The following CRPPA variants were observed in gnomAD, a reference collection of about 807,000 sequenced individuals.
The protein encoded by CRPPA is D-ribitol-5-phosphate cytidylyltransferase.
A neutral mutation model predicts 52.0 loss-of-function variants in CRPPA; 43 were observed. The observed-to-expected ratio is 0.83, with a 90% confidence interval of 0.65 to 1.07. The LOEUF is 1.07. Ranked by LOEUF, CRPPA falls within the 50% of genes least tolerant of loss-of-function variation. The probability of loss-of-function intolerance (pLI) is 0.00; values close to 1 mark genes in which losing one functional copy is unlikely to be tolerated. For missense variants in CRPPA, 629 were observed against 551.7 expected (o/e 1.14, Z -1.40); for synonymous variants, 250 against 203.5 (o/e 1.23, Z -1.94).
At chr7:16,346,695 T>G (rs181353373) in intron 3 of CRPPA, among the ~76,000 whole-genome samples, 14 of 152,278 alleles carry the variant, frequency 9.2e-5, no homozygotes, top group Admixed American at 4.6e-4. Flanking sequence ...CTTACTGTAC[T>G]AATGTTTGGC....
At chr7:16,401,859 C>T (rs1218482480) in intron 2 of CRPPA, among the ~76,000 whole-genome samples, 1 of 150,108 alleles carries the variant, frequency 6.7e-6, no homozygotes, top group East Asian at 1.9e-4. Flanking sequence ...ACACCTCTTT[C>T]ATTAAAAAAA....
intron 9 of CRPPA, among the ~76,000 whole-genome samples, chr7:16,164,557 GGAA>G (rs1781005847): frequency 6.6e-6 from 1 of 152,140 alleles, no homozygotes; most frequent in Non-Finnish European, 1.5e-5. Flanking sequence ...TTGCTGGCGA[GGAA>G]TTGTGATCCT....
intron 3 of CRPPA, among the ~76,000 whole-genome samples, chr7:16,351,286 G>C (rs1270293645): frequency 6.6e-6 from 1 of 151,870 alleles, no homozygotes; most frequent in African/African-American, 2.4e-5. Flanking sequence ...TTTAAACCTA[G>C]GTCCTCAAAC....
intron 1 of CRPPA, among the ~76,000 whole-genome samples, chr7:16,407,858 G>A (rs1273809443): frequency 1.3e-5 from 2 of 152,146 alleles, no homozygotes; most frequent in African/African-American, 4.8e-5. Flanking sequence ...TGTAATCCCA[G>A]CACTTTGGGA....
chr7:16,286,097 A>AAAAAAAATATATATATATAT, intron 5 of CRPPA, among the ~76,000 whole-genome samples: 3 of 39,116 alleles, frequency 7.7e-5, no homozygotes, highest in South Asian at 6.5e-4. Context: ...TAAAAAAAAA[A>AAAAAAAATATATATATATAT]ATATATATAT....
At chr7:16,418,962 C>T (rs551950416) in intron 1 of CRPPA, among the ~76,000 whole-genome samples, 1 of 152,176 alleles carries the variant, frequency 6.6e-6, no homozygotes, top group African/African-American at 2.4e-5. Context: ...CTAATTACCA[C>T]GCAGATAAAG....
intron 9 of CRPPA, among the ~76,000 whole-genome samples, chr7:16,167,622 T>C (rs1363809901): frequency 6.6e-6 from 1 of 152,200 alleles, no homozygotes; most frequent in African/African-American, 2.4e-5. Flanking sequence ...TTTCTGCTTA[T>C]CAGCTGTCTT....
intron 6 of CRPPA, among the ~76,000 whole-genome samples, chr7:16,265,842 G>A (rs760819324): frequency 6.6e-6 from 1 of 152,166 alleles, no homozygotes; most frequent in African/African-American, 2.4e-5. Context: ...TCATCCTCAT[G>A]TTATAGATAA....
intron 5 of CRPPA, among the ~76,000 whole-genome samples, chr7:16,281,730 TG>T (rs2128418513): frequency 6.6e-6 from 1 of 152,288 alleles, no homozygotes; most frequent in Admixed American, 6.5e-5. Context: ...TGCTTCTTTG[TG>T]GGAGAGCTTT....
intron 6 of CRPPA, among the ~76,000 whole-genome samples, chr7:16,268,340 A>C (rs1465545971): frequency 6.6e-6 from 1 of 152,174 alleles, no homozygotes; most frequent in Non-Finnish European, 1.5e-5. Flanking sequence ...TTTCACATGT[A>C]ATCCCAAGAA....
chr7:16,226,193 A>T (rs1221188367), intron 8 of CRPPA, among the ~76,000 whole-genome samples: 9 of 151,958 alleles, frequency 5.9e-5, no homozygotes, highest in African/African-American at 1.9e-4. Flanking sequence ...TAATAATCAA[A>T]ATCAATGTAG....
chr7:16,306,021 C>T (rs1257774080), intron 4 of CRPPA, among the ~76,000 whole-genome samples: 2 of 152,210 alleles, frequency 1.3e-5, no homozygotes, highest in African/African-American at 4.8e-5. Context: ...TGGCTGGCAA[C>T]CCCTGCCATT....
At chr7:16,254,580 G>A (rs1453126886) in intron 8 of CRPPA, among the ~76,000 whole-genome samples, 1 of 151,846 alleles carries the variant, frequency 6.6e-6, no homozygotes, top group African/African-American at 2.4e-5. Context: ...AAACATGGGG[G>A]CCTGTAGTGG....
intron 3 of CRPPA, among the ~76,000 whole-genome samples, chr7:16,359,682 C>CA (rs1583546974): frequency 1.3e-5 from 2 of 152,108 alleles, no homozygotes; most frequent in South Asian, 2.1e-4. Context: ...AAGTCTGTAA[C>CA]AAAAAACAGG....
intron 9 of CRPPA, among the ~76,000 whole-genome samples, chr7:16,110,392 A>G (rs957308310): frequency 1.4e-4 from 22 of 152,226 alleles, no homozygotes; most frequent in African/African-American, 5.1e-4. Flanking sequence ...ACAATATTCT[A>G]ATGTCATTTT....
intron 9 of CRPPA, among the ~76,000 whole-genome samples, chr7:16,202,264 C>T (rs1165740000): frequency 1.3e-5 from 2 of 152,064 alleles, no homozygotes; most frequent in East Asian, 1.9e-4. Context: ...ATAACTTGAA[C>T]CTATAAAAAC....
chr7:16,344,216 G>C (rs1454003401), intron 3 of CRPPA, among the ~76,000 whole-genome samples: 1 of 151,938 alleles, frequency 6.6e-6, no homozygotes, highest in Non-Finnish European at 1.5e-5. Context: ...CAATATAGAG[G>C]AGGGAAAAGC....
At chr7:16,383,842 G>A (rs370447910) in intron 2 of CRPPA, among the ~76,000 whole-genome samples, 8 of 152,178 alleles carry the variant, frequency 5.3e-5, no homozygotes, top group Non-Finnish European at 7.3e-5. Flanking sequence ...TTTTAAGCCC[G>A]TCGGAAAAGC....
At chr7:16,389,606 C>A (rs893602602) in intron 2 of CRPPA, among the ~76,000 whole-genome samples, 8 of 151,878 alleles carry the variant, frequency 5.3e-5, no homozygotes, top group African/African-American at 1.5e-4. Flanking sequence ...TCTTGCTCAA[C>A]CTGAAAAAGA....
Sources: gnomAD v4.1 joint callset for allele counts (sites outside exome capture counted in the v4.1 genomes callset) on GRCh38, gnomAD v4.1.1 for gene constraint, MANE v1.5 for transcripts, NCBI Gene and HGNC (gene_info 2026-07-23, HGNC 2026-07-21) for gene names.